MCF2L2: variants seen among roughly 807,000 people sequenced by gnomAD.
MCF2L2 encodes probable guanine nucleotide exchange factor MCF2L2.
MCF2L2 carries 102 observed loss-of-function variants against 150.2 expected under a neutral mutation model. The observed-to-expected ratio is 0.68, with a 90% CI of 0.58 to 0.80. The LOEUF is 0.80. Ranked by LOEUF, MCF2L2 falls within the 30% of genes least tolerant of loss-of-function variation. MCF2L2 has a pLI of 0.00. For synonymous variants in MCF2L2, 465 were observed against 491.3 expected, an observed-to-expected ratio of 0.95 and a Z score of 0.71; for missense variants, 1,256 against 1,372.8, an observed-to-expected ratio of 0.91 and a Z score of 1.34.
At position 183,270,204 on chromosome 3, in the gene MCF2L2, C is replaced by G. The variant is rs749889616; in HGVS notation, c.1862+6668G>C. On this transcript the variant is annotated intron_variant, in intron 15 of 29. Coordinates refer to ENST00000328913, the MANE Select transcript of MCF2L2 (RefSeq NM_015078.4). The surrounding 1 kb of genome is among the most constrained non-coding windows in gnomAD (Gnocchi z 4.5). ...TCTGTTTGCCTTAGGAACTCCTAAT[C>G]CACTGGAGGGAGAAGAACTACAAAG... 3.1e-6 allele frequency: 5 copies of G among 1,614,154 alleles called. No individual in the cohort carries two copies. The highest frequency in any genetic ancestry group is 3.4e-6 in the Non-Finnish European group (4 of 1,180,018).
At position 183,229,659 on chromosome 3, in the gene MCF2L2, T is replaced by C. The variant is rs762212889; in HGVS notation, c.2045+7A>G. 8.0e-7 allele frequency: 1 copy of C among 1,254,916 alleles called. No individual in the cohort carries two copies. Among genetic ancestry groups the C allele is most frequent in the Non-Finnish European group, 1.2e-6 (1 of 861,618 alleles). The allele number at this position is 1,254,916 out of a possible 1,614,324, so 77.7% of individuals were successfully genotyped here. A position where few individuals can be genotyped will look rare whatever the true frequency, so the allele number is the denominator to read the frequency against. On this transcript the variant is annotated splice_region_variant and intron_variant, in intron 17 of 29. Transcript: ENST00000328913. ...CATTCTTTCTGATAACATGAATTAT[T>C]ATATACCTGTTGTGAAATTCGTAAA...
intron 1 of MCF2L2, among the ~76,000 whole-genome samples, chr3:183,390,335 A>G (rs930277069): frequency 1.3e-5 from 2 of 152,100 alleles, no homozygotes; most frequent in African/African-American, 2.4e-5. Context: ...CTAAATGTAT[A>G]TAAGAAGGCA....
At chr3:183,399,931 A>G (rs1714652002) in intron 1 of MCF2L2, among the ~76,000 whole-genome samples, 1 of 152,184 alleles carries the variant, frequency 6.6e-6, no homozygotes, top group Admixed American at 6.5e-5. Flanking sequence ...TGGTAATTTT[A>G]AAAAATAGAA....
chr3:183,372,810 C>A (rs1305320358), intron 3 of MCF2L2: 1 of 152,130 alleles, frequency 6.6e-6, no homozygotes, highest in African/African-American at 2.4e-5. Flanking sequence ...TAATAATGAA[C>A]CCAGAACTGG....
At chr3:183,223,645 A>G (rs550906675) in intron 19 of MCF2L2, among the ~76,000 whole-genome samples, 9 of 152,332 alleles carry the variant, frequency 5.9e-5, no homozygotes, top group Admixed American at 2.6e-4. Context: ...CGGCTCGGCT[A>G]ATATTTTTAC....
intron 22 of MCF2L2, among the ~76,000 whole-genome samples, chr3:183,215,292 C>A (rs1722873281): frequency 6.6e-6 from 1 of 152,122 alleles, no homozygotes; most frequent in Non-Finnish European, 1.5e-5. Flanking sequence ...ACAAACACAT[C>A]TGAATAAAAA....
At chr3:183,372,427 T>C (rs1286965762) in intron 3 of MCF2L2, 4 of 152,192 alleles carry the variant, frequency 2.6e-5, no homozygotes, top group Non-Finnish European at 5.9e-5. Context: ...GTAGAAAAAT[T>C]ACTCTAACTT....
In MCF2L2 at chr3:183,304,735, A is replaced by C. The variant is rs1320878757; in HGVS notation, c.1114-4539T>G. On this transcript the variant is annotated intron_variant, in intron 10 of 29. Coordinates refer to ENST00000328913, the MANE Select transcript of MCF2L2 (RefSeq NM_015078.4). ...GCAATTCACCCGCCTCGGCCTCCCA[A>C]AGTGCTAGGATTACAGGCGTGAGCC... Among the ~76,000 whole-genome samples the C allele has an allele frequency of 2.0e-5, 3 of 151,362 alleles. No homozygotes were observed. The East Asian group carries it at 5.8e-4, about 29-fold the overall frequency.
chr3:183,356,806 G>T (rs943992110), intron 3 of MCF2L2, among the ~76,000 whole-genome samples: 1 of 152,100 alleles, frequency 6.6e-6, no homozygotes, highest in South Asian at 2.1e-4. Flanking sequence ...AAACAGAACA[G>T]CCAATCTAGA....
chr3:183,392,141 T>C (rs1714190543), intron 1 of MCF2L2, among the ~76,000 whole-genome samples: 2 of 152,096 alleles, frequency 1.3e-5, no homozygotes. Flanking sequence ...ATATTTGAGG[T>C]GTGCTTTAAA....
intron 15 of MCF2L2, among the ~76,000 whole-genome samples, chr3:183,244,827 G>C (rs1241821037): frequency 6.6e-6 from 1 of 152,042 alleles, no homozygotes; most frequent in East Asian, 1.9e-4. Context: ...TGCAAAGCAA[G>C]TACTGTTTCT....
At chr3:183,333,673 T>G (rs1342437301) in intron 5 of MCF2L2, among the ~76,000 whole-genome samples, 1 of 152,224 alleles carries the variant, frequency 6.6e-6, no homozygotes, top group Non-Finnish European at 1.5e-5. Context: ...GACTGAAATT[T>G]AAGGTATCAG....
At chr3:183,362,058 C>T (rs138046368) in intron 3 of MCF2L2, among the ~76,000 whole-genome samples, 114 of 152,158 alleles carry the variant, frequency 7.5e-4, no homozygotes, top group African/African-American at 2.6e-3. Context: ...ATTAGGTATA[C>T]GCAAATATTC....
chr3:183,337,418 G>A (rs1356124785), intron 5 of MCF2L2, among the ~76,000 whole-genome samples: 3 of 151,886 alleles, frequency 2.0e-5, no homozygotes, highest in Middle Eastern at 3.2e-3. Context: ...TTAGCTGGGC[G>A]TGGTGGCAGG....
intron 9 of MCF2L2, 174 bp downstream of exon 9, chr3:183,310,741 C>T: frequency 1.7e-6 from 1 of 590,456 alleles, no homozygotes; most frequent in Non-Finnish European, 3.0e-6. Context: ...CAGTTTGACT[C>T]CACTGAAAAA....
Position 183,269,230 on chromosome 3 carries a change from C to CTTTTTT in MCF2L2, c.1862+7636_1862+7641dup, listed in dbSNP as rs60835895. Among the ~76,000 whole-genome samples, 219 of 80,994 alleles carry CTTTTTT rather than the reference C, an allele frequency of 2.7e-3. 42 individuals carry two copies. The highest frequency in any genetic ancestry group is 0.013 in the African/African-American group (201 of 15,758). 53.1% of individuals were successfully genotyped at this position (80,994 alleles called of 152,430 possible). A position where few individuals can be genotyped will look rare whatever the true frequency, so the allele number is the denominator to read the frequency against. ...TACACGATTATAGCCGTTTGGGAAG[C>CTTTTTT]TTTTTTTTTTTTTTTTTTAAGAGTA... is the stretch of plus-strand genomic sequence containing the variant. On this transcript the variant is annotated intron_variant, in intron 15 of 29. Transcript: ENST00000328913.
chr3:183,247,039 A>G (rs1234825369), intron 15 of MCF2L2, among the ~76,000 whole-genome samples: 4 of 152,180 alleles, frequency 2.6e-5, no homozygotes, highest in African/African-American at 7.2e-5. Flanking sequence ...TGAATTCTCA[A>G]TAAGTGTTAA....
At chr3:183,222,639 T>C (rs2108662663) in intron 20 of MCF2L2, among the ~76,000 whole-genome samples, 2 of 152,230 alleles carry the variant, frequency 1.3e-5, no homozygotes, top group Admixed American at 1.3e-4. Context: ...TTTTTGTTTT[T>C]TATTAAGAAA....
At chr3:183,342,709 A>G (rs1190630454) in intron 3 of MCF2L2, among the ~76,000 whole-genome samples, 1 of 150,782 alleles carries the variant, frequency 6.6e-6, no homozygotes. Flanking sequence ...GCTCAGGACA[A>G]CGCCTGGCAC....
Sources: gnomAD v4.1 joint callset for allele counts (sites outside exome capture counted in the v4.1 genomes callset) on GRCh38, gnomAD v4.1.1 for gene constraint, Gnocchi (gnomAD v3.1) non-coding constraint, MANE v1.5 for transcripts, NCBI Gene and HGNC (gene_info 2026-07-23, HGNC 2026-07-21) for gene names.